The following MMP16 variants were observed in gnomAD, a reference collection of about 807,000 sequenced individuals.
The protein encoded by MMP16 is matrix metalloproteinase-16.
MMP16 carries 12 observed loss-of-function variants against 67.8 expected under a neutral mutation model. That is an observed-to-expected ratio of 0.18 (90% confidence interval 0.11 to 0.29). MMP16 has a LOEUF of 0.29. Among genes scored for constraint, MMP16 ranks in the 10% least tolerant of loss-of-function variants. The pLI, the probability that MMP16 is intolerant of heterozygous loss-of-function variation, is 1.00. For synonymous variants in MMP16, 249 were observed against 255.9 expected, an observed-to-expected ratio of 0.97 and a Z score of 0.26; for missense variants, 475 against 765.7, an observed-to-expected ratio of 0.62 and a Z score of 4.48.
At position 88,034,111 on chromosome 8, in the gene MMP16, G is replaced by T. The variant is rs1179245013; in HGVS notation, c.*7350C>A. On this transcript the variant is annotated 3_prime_UTR_variant, in exon 10 of 10. Coordinates refer to ENST00000286614, the MANE Select transcript of MMP16 (RefSeq NM_005941.5). ...TTGGGATGTATGTCAACTTTGCTGG[G>T]ACTGTCTTTGCATGGAAGTTTTGAC... is the stretch of plus-strand genomic sequence containing the variant. 1 of 151,928 alleles carries T rather than the reference G, an allele frequency of 6.6e-6. No homozygotes were observed. The highest frequency in any genetic ancestry group is 6.6e-5 in the Admixed American group (1 of 15,206). 9.4% of individuals were successfully genotyped at this position (151,928 alleles called of 1,614,324 possible). A position where few individuals can be genotyped will look rare whatever the true frequency, so the allele number is the denominator to read the frequency against.
intron 4 of MMP16, among the ~76,000 whole-genome samples, chr8:88,130,759 C>CGTGTGTGTGT (rs112295025): frequency 6.8e-6 from 1 of 146,632 alleles, no homozygotes; most frequent in African/African-American, 2.5e-5. Flanking sequence ...TTGTGAAATA[C>CGTGTGTGTGT]GTGTGTGTGT....
chr8:88,299,253 C>G (rs73692219), intron 1 of MMP16, among the ~76,000 whole-genome samples: 1 of 152,100 alleles, frequency 6.6e-6, no homozygotes, highest in Non-Finnish European at 1.5e-5. Context: ...AAAGTGAATG[C>G]ATAAACCCTG....
chr8:88,237,022 C>G (rs1244823861), intron 1 of MMP16, among the ~76,000 whole-genome samples: 1 of 152,104 alleles, frequency 6.6e-6, no homozygotes, highest in South Asian at 2.1e-4. Flanking sequence ...GCTATTTCTA[C>G]AGGTAAAAAA....
chr8:88,178,785 T>C lies in MMP16; in HGVS notation c.404+7691A>G, dbSNP rs9642807. Among the ~76,000 whole-genome samples the C allele has an allele frequency of 2.2e-4, 33 of 152,304 alleles. No individual in the cohort carries two copies. In the East Asian group the frequency reaches 5.8e-3, roughly 27 times the overall value. On this transcript the variant is annotated intron_variant, in intron 3 of 9. Transcript: ENST00000286614. ...CAGTATAACCGCATGTAAATTATTA[T>C]TTTTATATGTTGCCTTTTCCTTTTT...
intron 6 of MMP16, among the ~76,000 whole-genome samples, chr8:88,109,665 T>C (rs1235511054): frequency 2.0e-5 from 3 of 151,306 alleles, no homozygotes; most frequent in Non-Finnish European, 4.4e-5. Flanking sequence ...ATACTTTCCA[T>C]GTGCACTATA....
At chr8:88,241,199 T>C (rs1215165651) in intron 1 of MMP16, among the ~76,000 whole-genome samples, 1 of 152,102 alleles carries the variant, frequency 6.6e-6, no homozygotes, top group South Asian at 2.1e-4. Context: ...CCAACATGCA[T>C]TCATATGTAG....
intron 1 of MMP16, among the ~76,000 whole-genome samples, chr8:88,302,098 C>A: frequency 6.6e-6 from 1 of 152,270 alleles, no homozygotes; most frequent in East Asian, 1.9e-4. Flanking sequence ...CTGCCATTAA[C>A]CTTCTATGAA....
chr8:88,277,252 T>G (rs1810662921), intron 1 of MMP16, among the ~76,000 whole-genome samples: 1 of 152,184 alleles, frequency 6.6e-6, no homozygotes, highest in Non-Finnish European at 1.5e-5. Flanking sequence ...GTAGCCCAAT[T>G]CTAATTACTT....
rs373626480 is a variant in MMP16 at position 88,123,823 on chromosome 8, G to A, written c.710-4962C>T. Among the ~76,000 whole-genome samples the A allele has an allele frequency of 5.3e-5, 8 of 151,864 alleles. 1 individual carries two copies. The East Asian group carries it at 5.9e-4, about 11-fold the overall frequency. On this transcript the variant is annotated intron_variant, in intron 4 of 9. Coordinates refer to ENST00000286614, the MANE Select transcript of MMP16 (RefSeq NM_005941.5). ...AAGCTGATCTTGGGTGGATTTTCAC[G>A]CATCTCTTTCTGACACTACTGCTCT...
chr8:88,288,100 T>A (rs925228874), intron 1 of MMP16, among the ~76,000 whole-genome samples: 2 of 152,224 alleles, frequency 1.3e-5, no homozygotes, highest in African/African-American at 4.8e-5. Context: ...ACTCAAAGCC[T>A]CATTTACTTT....
chr8:88,158,587 T>C (rs1321455465), intron 4 of MMP16, among the ~76,000 whole-genome samples: 1 of 152,238 alleles, frequency 6.6e-6, no homozygotes, highest in Non-Finnish European at 1.5e-5. Flanking sequence ...ATGGGTAGAT[T>C]GCAAAAATTT....
chr8:88,271,053 C>T (rs1810555462), intron 1 of MMP16, among the ~76,000 whole-genome samples: 1 of 152,172 alleles, frequency 6.6e-6, no homozygotes, highest in South Asian at 2.1e-4. Flanking sequence ...AAAGTCGGTA[C>T]ACTTAATTTG....
intron 7 of MMP16, among the ~76,000 whole-genome samples, chr8:88,067,373 A>G (rs977129376): frequency 6.6e-6 from 1 of 152,104 alleles, no homozygotes; most frequent in Admixed American, 6.6e-5. Context: ...AATGTATGAA[A>G]TATTTCGTAA....
At chr8:88,132,318 C>A (rs148433714) in intron 4 of MMP16, among the ~76,000 whole-genome samples, 1 of 151,936 alleles carries the variant, frequency 6.6e-6, no homozygotes, top group South Asian at 2.1e-4. Flanking sequence ...TTTAAGTTAG[C>A]CATTGCTACA....
intron 1 of MMP16, among the ~76,000 whole-genome samples, chr8:88,233,968 C>T (rs1809902591): frequency 6.6e-6 from 1 of 152,134 alleles, no homozygotes; most frequent in African/African-American, 2.4e-5. Flanking sequence ...TGAAAACTAA[C>T]ATATATTAGG....
At chr8:88,229,384 A>T (rs1322264645) in intron 1 of MMP16, among the ~76,000 whole-genome samples, 1 of 152,118 alleles carries the variant, frequency 6.6e-6, no homozygotes, top group Non-Finnish European at 1.5e-5. Context: ...AAACAGAAGA[A>T]AAAAGTAACA....
At chr8:88,070,653 A>C (rs1036677154) in intron 7 of MMP16, among the ~76,000 whole-genome samples, 2 of 152,000 alleles carry the variant, frequency 1.3e-5, no homozygotes, top group Non-Finnish European at 1.5e-5. Context: ...TCAGCTCTGT[A>C]TCTTCAACTG....
intron 6 of MMP16, among the ~76,000 whole-genome samples, chr8:88,092,350 A>T (rs1022749825): frequency 5.3e-5 from 8 of 151,808 alleles, no homozygotes; most frequent in African/African-American, 1.7e-4. Context: ...ATCTGTTTAA[A>T]CCTCAGCTAA....
At chr8:88,069,506 T>C (rs779322006) in intron 7 of MMP16, 1 of 529,292 alleles carries the variant, frequency 1.9e-6, no homozygotes, top group Admixed American at 2.0e-5. Context: ...GGATTATAGA[T>C]AGAGTGTCTC....
Sources: gnomAD v4.1 joint callset for allele counts (sites outside exome capture counted in the v4.1 genomes callset) on GRCh38, gnomAD v4.1.1 for gene constraint, MANE v1.5 for transcripts, NCBI Gene and HGNC (gene_info 2026-07-23, HGNC 2026-07-21) for gene names.